SENP1: variants seen among roughly 807,000 people sequenced by gnomAD.
SENP1 encodes the protein sentrin-specific protease 1.
A neutral mutation model predicts 93.0 loss-of-function variants in SENP1; 21 were observed. The observed-to-expected ratio is 0.23, with a 90% CI of 0.16 to 0.33. The LOEUF is 0.33. Among genes scored for constraint, SENP1 ranks in the 10% least tolerant of loss-of-function variants. The pLI is 1.00. For missense variants in SENP1, 591 were observed against 758.7 expected, an observed-to-expected ratio of 0.78 and a Z score of 2.60; for synonymous variants, 256 against 259.6, an observed-to-expected ratio of 0.99 and a Z score of 0.13.
In SENP1 at chr12:48,092,853, C is replaced by T. The variant is rs1260362313; in HGVS notation, c.220+3490G>A. ...AATCTGGCCAAATATTACATTAGGA[C>T]TTAAGATAATCTTAGATATATTCTT... On this transcript the variant is annotated intron_variant, in intron 4 of 17. Transcript: ENST00000549518. Among the ~76,000 whole-genome samples, 11 of 152,196 alleles carry T rather than the reference C, an allele frequency of 7.2e-5. No individual in the cohort carries two copies. The East Asian group carries it at 1.9e-3, about 27-fold the overall frequency.
chr12:48,092,054 G>A (rs1018617548), intron 4 of SENP1, among the ~76,000 whole-genome samples: 31 of 152,230 alleles, frequency 2.0e-4, no homozygotes, highest in Admixed American at 7.2e-4. Context: ...CTAATCTTAA[G>A]TGGATTGAGA....
intron 6 of SENP1, 104 bp downstream of exon 6, chr12:48,083,487 A>G: frequency 1.1e-6 from 1 of 901,648 alleles, no homozygotes; most frequent in Admixed American, 2.6e-5. Flanking sequence ...CAGGAAGGAT[A>G]AAATAGAATG....
intron 14 of SENP1, 101 bp downstream of exon 14, chr12:48,048,828 T>C: frequency 1.2e-6 from 1 of 831,878 alleles, no homozygotes. Context: ...ACTCTTTCTC[T>C]CAATAATCAA....
chr12:48,055,951 T>C (rs1942235316), intron 13 of SENP1, among the ~76,000 whole-genome samples: 1 of 136,028 alleles, frequency 7.4e-6, no homozygotes, highest in Non-Finnish European at 1.5e-5. Flanking sequence ...ATATTAATAA[T>C]ATATGTAATA....
intron 1 of SENP1, chr12:48,105,588 CG>C (rs1200987481): frequency 4.2e-6 from 2 of 474,636 alleles, no homozygotes; most frequent in Non-Finnish European, 8.4e-6. Context: ...AAATATCACT[CG>C]GGTCTCAAGG....
intron 13 of SENP1, among the ~76,000 whole-genome samples, chr12:48,058,571 C>G (rs531341109): frequency 1.3e-5 from 2 of 152,122 alleles, no homozygotes; most frequent in East Asian, 3.9e-4. Context: ...TAACATTTTA[C>G]CACTTTATGT....
At chr12:48,076,846 C>T (rs1944124174) in intron 6 of SENP1, among the ~76,000 whole-genome samples, 1 of 151,748 alleles carries the variant, frequency 6.6e-6, no homozygotes, top group Admixed American at 6.6e-5. Flanking sequence ...GGGGTTTCAC[C>T]ATGTTGGCCA....
chr12:48,059,627 G>A (rs777247201), intron 13 of SENP1, among the ~76,000 whole-genome samples: 1 of 152,024 alleles, frequency 6.6e-6, no homozygotes, highest in Non-Finnish European at 1.5e-5. Flanking sequence ...ATGTATGTCT[G>A]GTCATTTCTA....
chr12:48,083,887 C>T (rs774439818), intron 5 of SENP1, 125 bp from the exon 6 acceptor site: 7 of 626,634 alleles, frequency 1.1e-5, no homozygotes, highest in Non-Finnish European at 1.9e-5. Flanking sequence ...ATAGGTTTCC[C>T]ATTTGAGGGA....
At chr12:48,068,021 T>C (rs1403043227) in intron 9 of SENP1, among the ~76,000 whole-genome samples, 1 of 152,000 alleles carries the variant, frequency 6.6e-6, no homozygotes, top group Non-Finnish European at 1.5e-5. Context: ...CCACCACACC[T>C]GGCTAATTTT....
At chr12:48,070,396 T>G (rs1174925210) in intron 9 of SENP1, among the ~76,000 whole-genome samples, 2 of 152,152 alleles carry the variant, frequency 1.3e-5, no homozygotes, top group African/African-American at 2.4e-5. Context: ...TGCTTCAATT[T>G]TCTTCATAGC....
chr12:48,090,231 T>C (rs542507426), intron 4 of SENP1, among the ~76,000 whole-genome samples: 15 of 152,348 alleles, frequency 9.8e-5, no homozygotes, highest in African/African-American at 2.4e-4. Context: ...AGTAAAGAAC[T>C]AGAAAATTAT....
At chr12:48,077,119 C>A (rs550293851) in intron 6 of SENP1, among the ~76,000 whole-genome samples, 1 of 152,316 alleles carries the variant, frequency 6.6e-6, no homozygotes, top group South Asian at 2.1e-4. Flanking sequence ...TAATGTCTTG[C>A]CTATGTTTTA....
At chr12:48,055,387 G>C (rs1021289422) in intron 13 of SENP1, 3 of 152,422 alleles carry the variant, frequency 2.0e-5, no homozygotes, top group Non-Finnish European at 2.9e-5. Flanking sequence ...GCTCCCCAAA[G>C]ATCAGACTGA....
chr12:48,057,198 A>G (rs1187858928), intron 13 of SENP1, among the ~76,000 whole-genome samples: 1 of 136,140 alleles, frequency 7.3e-6, no homozygotes, highest in African/African-American at 2.7e-5. Flanking sequence ...TACACATTAC[A>G]TATATATTAT....
chr12:48,091,057 T>C (rs1361692816), intron 4 of SENP1, among the ~76,000 whole-genome samples: 1 of 152,216 alleles, frequency 6.6e-6, no homozygotes, highest in Non-Finnish European at 1.5e-5. Flanking sequence ...GTGGTTATGT[T>C]CTAATGATAG....
rs115572634 is a variant in SENP1 at position 48,054,989 on chromosome 12, A to G, written c.1408-5857T>C. 3.4e-3 allele frequency: 770 copies of G among 223,282 alleles called. 6 individuals are homozygous for G. Among genetic ancestry groups the G allele is most frequent in the African/African-American group, 0.017 (725 of 43,520 alleles). The allele number at this position is 223,282 out of a possible 1,614,324, so 13.8% of individuals were successfully genotyped here. On this transcript the variant is annotated intron_variant, in intron 13 of 17. Coordinates refer to ENST00000549518, the MANE Select transcript of SENP1 (RefSeq NM_001267594.2). ...ATTCTTAAGATGAACTGGATGACAC[A>G]ACTGCTGCCCTCTTGGGTGTAGGTG... is the stretch of plus-strand genomic sequence containing the variant.
chr12:48,074,522 A>G lies in SENP1; in HGVS notation c.742T>C (p.Ser248Pro). 9.3e-6 allele frequency: 15 copies of G among 1,613,942 alleles called. No homozygotes were observed. Among genetic ancestry groups the G allele is most frequent in the Non-Finnish European group, 1.2e-5 (14 of 1,179,812 alleles). ...GCAGATCCAGATGATGAAGTATCAG[A>G]GCCAATGATCTGAGATGCACAAGAG... is the stretch of plus-strand genomic sequence containing the variant. ...GNSCASQIIG[S>P]DTSSSGSASI... Residue 248 changes from serine (S) to proline (P), a missense_variant, in exon 8 of 18, where the codon TCT (serine) becomes CCT (proline). Ser to Pro is a moderately conservative substitution (Grantham distance 74). Transcript: ENST00000549518.
At chr12:48,064,405 C>A (rs1296373917) in intron 12 of SENP1, among the ~76,000 whole-genome samples, 1 of 151,918 alleles carries the variant, frequency 6.6e-6, no homozygotes, top group Non-Finnish European at 1.5e-5. Flanking sequence ...CATGTATTTT[C>A]CAAATTTTCT....
Sources: allele counts gnomAD v4.1 joint callset (sites outside exome capture counted in the v4.1 genomes callset), GRCh38; gene constraint gnomAD v4.1.1; transcripts MANE v1.5; gene names NCBI Gene and HGNC (gene_info 2026-07-23, HGNC 2026-07-21).